Variants in SCCPDH observed in about 807,000 individuals in gnomAD.
The protein encoded by SCCPDH is saccharopine dehydrogenase (putative), also known as saccharopine dehydrogenase-like oxidoreductase.
A neutral mutation model predicts 51.5 loss-of-function variants in SCCPDH; 34 were observed. That is an observed-to-expected ratio of 0.66 (90% CI 0.50 to 0.88). SCCPDH has a LOEUF of 0.88. Among genes scored for constraint, SCCPDH ranks in the 40% least tolerant of loss-of-function variants. The probability of loss-of-function intolerance (pLI) is 0.00; values close to 1 mark genes in which losing one functional copy is unlikely to be tolerated. For synonymous variants in SCCPDH, 187 were observed against 191.3 expected (o/e 0.98, Z 0.19); for missense variants, 464 against 527.1 (o/e 0.88, Z 1.17).
intron 3 of SCCPDH, among the ~76,000 whole-genome samples, chr1:246,737,590 GA>G (rs1423418388): frequency 6.6e-6 from 1 of 151,518 alleles, no homozygotes; most frequent in Non-Finnish European, 1.5e-5. Flanking sequence ...AAGTAGTATC[GA>G]ACCCCCCCCT....
At position 246,743,846 on chromosome 1, in the gene SCCPDH, G is replaced by C. The variant is rs1001784760; in HGVS notation, c.515-230G>C. Among the ~76,000 whole-genome samples, 6 of 152,160 alleles carry C rather than the reference G, an allele frequency of 3.9e-5. No homozygotes were observed. The South Asian group carries it at 8.3e-4, about 21-fold the overall frequency. On this transcript the variant is annotated intron_variant, in intron 4 of 11. Transcript: ENST00000366510. Reference sequence around the variant, plus strand: ...AGTGTTCCAATCCTTAGACCTAATAGAGATAGAGTTTATGCTAGACTACTC... The same window carrying C: ...AGTGTTCCAATCCTTAGACCTAATACAGATAGAGTTTATGCTAGACTACTC...
chr1:246,752,733 G>A (rs1029546149), intron 5 of SCCPDH, among the ~76,000 whole-genome samples: 1 of 151,528 alleles, frequency 6.6e-6, no homozygotes, highest in African/African-American at 2.4e-5. Context: ...GTTTAGGGAG[G>A]GGAGGAATTT....
At chr1:246,752,658 C>T (rs909011397) in intron 5 of SCCPDH, among the ~76,000 whole-genome samples, 3 of 151,764 alleles carry the variant, frequency 2.0e-5, no homozygotes, top group Non-Finnish European at 4.4e-5. Context: ...CTGTAACTTT[C>T]CTCGATTCCT....
At chr1:246,744,651 T>A (rs1488505638) in intron 5 of SCCPDH, among the ~76,000 whole-genome samples, 1 of 152,104 alleles carries the variant, frequency 6.6e-6, no homozygotes, top group Non-Finnish European at 1.5e-5. Flanking sequence ...AGTCTCACTC[T>A]GTTGCCCAGA....
chr1:246,731,149 C>T (rs1200706665), intron 2 of SCCPDH, among the ~76,000 whole-genome samples: 2 of 152,134 alleles, frequency 1.3e-5, no homozygotes, highest in Non-Finnish European at 2.9e-5. Flanking sequence ...AGAAGTGTCT[C>T]CCCGAGATGA....
chr1:246,761,167 C>G (rs945644779), intron 9 of SCCPDH, among the ~76,000 whole-genome samples: 2 of 152,062 alleles, frequency 1.3e-5, no homozygotes, highest in African/African-American at 4.8e-5. Context: ...TGATATGTTC[C>G]CTGTACAAGG....
chr1:246,756,544 G>A (rs563327826), intron 5 of SCCPDH, among the ~76,000 whole-genome samples: 1 of 152,112 alleles, frequency 6.6e-6, no homozygotes. Context: ...TGGCTTAGTT[G>A]TATAAGAAAA....
intron 3 of SCCPDH, among the ~76,000 whole-genome samples, chr1:246,738,724 G>A (rs1572295916): frequency 6.6e-6 from 1 of 152,016 alleles, no homozygotes; most frequent in Admixed American, 6.6e-5. Context: ...CGTGGTGGCA[G>A]GTGCTGTAAA....
Position 246,732,022 on chromosome 1 carries a change from G to A in SCCPDH, c.304-3953G>A, listed in dbSNP as rs528701619. On this transcript the variant is annotated intron_variant, in intron 2 of 11. Transcript: ENST00000366510. ...AATGATGGTTTCCAGCTTCATCCAT[G>A]TCCCTGCAAAGGACATGAACTCATC... 4.5e-3 allele frequency among the ~76,000 whole-genome samples: 681 copies of A among 152,014 alleles called. 6 individuals are homozygous for A. Among genetic ancestry groups the A allele is most frequent in the African/African-American group, 0.015 (637 of 41,486 alleles).
intron 5 of SCCPDH, among the ~76,000 whole-genome samples, chr1:246,748,141 T>G (rs895461040): frequency 6.6e-6 from 1 of 152,096 alleles, no homozygotes; most frequent in African/African-American, 2.4e-5. Context: ...CTGATCTGAA[T>G]AGGGTGGAGG....
At chr1:246,744,032 G>C (rs749173555) in intron 4 of SCCPDH, 44 bp from the exon 5 acceptor site, 28 of 1,163,074 alleles carry the variant, frequency 2.4e-5, no homozygotes, top group South Asian at 6.6e-5. Flanking sequence ...AAATAATTTA[G>C]ATGTTATTTT....
In SCCPDH at chr1:246,745,811, TAAAG is replaced by T. The variant is rs561948344; in HGVS notation, c.564+1689_564+1692del. ...AGACAAAACCCCTCAGACACCGAGT[TAAAG>T]AAGGAAGGGCTGGCCGGGCATGGTG... On this transcript the variant is annotated intron_variant, in intron 5 of 11. Coordinates refer to ENST00000366510, the MANE Select transcript of SCCPDH (RefSeq NM_016002.3). Among the ~76,000 whole-genome samples the T allele has an allele frequency of 9.9e-5, 15 of 152,036 alleles. No homozygotes were observed. In the South Asian group the frequency reaches 3.1e-3, roughly 32 times the overall value.
chr1:246,727,824 A>G (rs1429392482), intron 2 of SCCPDH, among the ~76,000 whole-genome samples: 3 of 151,978 alleles, frequency 2.0e-5, no homozygotes, highest in African/African-American at 7.3e-5. Flanking sequence ...AGAGGTGGAG[A>G]GTGGATCAGA....
Position 246,756,981 on chromosome 1 carries a change from T to A in SCCPDH, c.565-1245T>A, listed in dbSNP as rs148350057. 7.4e-3 allele frequency among the ~76,000 whole-genome samples: 1,125 copies of A among 152,198 alleles called. 16 individuals carry two copies. Among genetic ancestry groups the A allele is most frequent in the African/African-American group, 0.026 (1,071 of 41,514 alleles). ...AAGGACATAATACAATTATGTACAA[T>A]CAATATAATAAATGAAGTTTATTCC... On this transcript the variant is annotated intron_variant, in intron 5 of 11. Transcript: ENST00000366510.
In SCCPDH at chr1:246,737,677, T is replaced by G. The variant is rs571022363; in HGVS notation, c.384+1622T>G. ...TACGATCTTGGCTCACTGTAACCTC[T>G]GCCACCTGGGTTCAAGCGATTCTCC... On this transcript the variant is annotated intron_variant, in intron 3 of 11. Coordinates refer to ENST00000366510, the MANE Select transcript of SCCPDH (RefSeq NM_016002.3). Among the ~76,000 whole-genome samples the G allele has an allele frequency of 5.9e-5, 9 of 151,828 alleles. No homozygotes were observed. The East Asian group carries it at 1.6e-3, about 27-fold the overall frequency.
At chr1:246,729,483 G>A (rs1572292263) in intron 2 of SCCPDH, among the ~76,000 whole-genome samples, 2 of 152,138 alleles carry the variant, frequency 1.3e-5, no homozygotes, top group South Asian at 2.1e-4. Context: ...TCTCCTATTC[G>A]CTTTCTGCAA....
At chr1:246,727,108 G>T (rs1391511153) in intron 2 of SCCPDH, 104 bp downstream of exon 2, 2 of 917,854 alleles carry the variant, frequency 2.2e-6, no homozygotes, top group African/African-American at 1.7e-5. Context: ...TTGGTTGAAG[G>T]CCTTAACCCC....
At chr1:246,732,194 A>G (rs1381896501) in intron 2 of SCCPDH, among the ~76,000 whole-genome samples, 3 of 152,142 alleles carry the variant, frequency 2.0e-5, no homozygotes, top group Non-Finnish European at 2.9e-5. Context: ...ACAATTTGTT[A>G]TGTATTTGGA....
intron 10 of SCCPDH, among the ~76,000 whole-genome samples, chr1:246,764,757 G>A (rs1188929075): frequency 6.6e-6 from 1 of 152,222 alleles, no homozygotes; most frequent in South Asian, 2.1e-4. Flanking sequence ...GTATGCACAC[G>A]TGCACTTTTC....
Sources: allele counts gnomAD v4.1 joint callset (sites outside exome capture counted in the v4.1 genomes callset), GRCh38; gene constraint gnomAD v4.1.1; transcripts MANE v1.5; gene names NCBI Gene and HGNC (gene_info 2026-07-23, HGNC 2026-07-21).